EXOC3L1: variants seen among roughly 807,000 people sequenced by gnomAD.
EXOC3L1 encodes exocyst complex component 3 like 1, also known as exocyst complex component 3-like protein.
In EXOC3L1, 79 loss-of-function variants were observed where a neutral mutation model predicts 83.6. That is an observed-to-expected ratio of 0.95 (90% confidence interval 0.79 to 1.14). The LOEUF is 1.14. Ranked by LOEUF, EXOC3L1 falls within the 50% of genes most tolerant of loss-of-function variation. EXOC3L1 has a pLI of 0.00. For synonymous variants in EXOC3L1, 433 were observed against 451.2 expected (o/e 0.96, Z 0.51); for missense variants, 945 against 972.0 (o/e 0.97, Z 0.37).
At chr16:67,186,420 C>T in intron 8 of EXOC3L1, 73 bp from the exon 9 acceptor site, 4 of 1,399,952 alleles carry the variant, frequency 2.9e-6, no homozygotes, top group Non-Finnish European at 4.0e-6. Context: ...CCTGGTACTC[C>T]TGTCCCACCT....
intron 4 of EXOC3L1, 69 bp from the exon 5 acceptor site, chr16:67,187,906 G>A (rs2032775545): frequency 1.3e-6 from 2 of 1,499,080 alleles, no homozygotes; most frequent in East Asian, 2.3e-5. Context: ...TACAGCAGGG[G>A]ATACTGAGGC....
rs2032616030 is a variant in EXOC3L1, at chr16:67,184,418, G to C, written c.2217C>G (p.Ala739=). Residue 739 remains alanine (A), a synonymous_variant, in exon 14 of 14, where the codon GCC becomes GCG. Transcript: ENST00000314586. ...PASCLPSGSC[A]RALLLAE ...TTTATTCTGCGAGCAGCAGGGCTCG[G>C]GCGCAGGACCCCGAGGGCAGGCAGG... 6.5e-7 allele frequency: 1 copy of C among 1,533,088 alleles called. No homozygotes were observed. The highest frequency in any genetic ancestry group is 2.0e-5 in the Admixed American group (1 of 50,864). 95.0% of individuals were successfully genotyped at this position (1,533,088 alleles called of 1,614,324 possible). A position where few individuals can be genotyped will look rare whatever the true frequency, so the allele number is the denominator to read the frequency against.
rs773196233 is a variant in EXOC3L1, at chr16:67,186,637, A to G, written c.1305T>C (p.Arg435=). 6.2e-7 allele frequency: 1 copy of G among 1,614,156 alleles called. No individual in the cohort carries two copies. Among genetic ancestry groups the G allele is most frequent in the South Asian group, 1.1e-5 (1 of 91,088 alleles). ...IVLQILEENI[R]VASLVSESLQ... Reference sequence around the variant, plus strand: ...GTGACTCACTGACCAGGCTGGCCACACGAATGTTCTCTTCCAGGATCTGCA... The same window carrying G: ...GTGACTCACTGACCAGGCTGGCCACGCGAATGTTCTCTTCCAGGATCTGCA... The change falls in exon 8 of 14, where the codon CGT becomes CGC. Residue 435 remains arginine (R), a synonymous_variant. Transcript: ENST00000314586.
In EXOC3L1 at chr16:67,186,318, C is replaced by G; in HGVS notation, c.1415G>C (p.Arg472Pro). 3.2e-6 allele frequency: 5 copies of G among 1,567,294 alleles called. No individual in the cohort carries two copies. In the African/African-American group the frequency reaches 4.1e-5, roughly 13 times the overall value. ...SFSDALIRFS[R>P]DHFRGKSMAP... ...CATTGATTTCCCCCTGAAGTGGTCT[C>G]GGGAGAATCGGATCAGAGCATCACT... The change falls in exon 9 of 14, where the codon CGA becomes CCA. Residue 472 changes from arginine (R) to proline (P), a missense_variant. Arg to Pro is a moderately radical substitution (Grantham distance 103). Coordinates refer to ENST00000314586, the MANE Select transcript of EXOC3L1 (RefSeq NM_178516.4).
At position 67,189,118 on chromosome 16, in the gene EXOC3L1, C is replaced by T; in HGVS notation, c.109G>A (p.Ala37Thr). Residue 37 changes from alanine to threonine, a missense_variant, in exon 3 of 14, where the codon GCC becomes ACC. Transcript: ENST00000314586. ...TCCGGCCGGTAGAAGATGCCTGAGGCCCACTTGAGCGCTGCACCCCGGGCC... is the reference window on the plus strand; with the variant it reads ...TCCGGCCGGTAGAAGATGCCTGAGGTCCACTTGAGCGCTGCACCCCGGGCC... The part of the protein sequence containing the change: ...QLARGAALKW[A>T]SGIFYRPEQL... The T allele has an allele frequency of 6.2e-7, 1 of 1,607,868 alleles. No homozygotes were observed. Among genetic ancestry groups the T allele is most frequent in the Non-Finnish European group, 8.5e-7 (1 of 1,179,314 alleles).
At position 67,188,898 on chromosome 16, in the gene EXOC3L1, A is replaced by C. The variant is rs2032804834; in HGVS notation, c.250T>G (p.Trp84Gly). 6.2e-7 allele frequency: 1 copy of C among 1,612,810 alleles called. No individual in the cohort carries two copies. Among genetic ancestry groups the C allele is most frequent in the Non-Finnish European group, 8.5e-7 (1 of 1,179,924 alleles). Residue 84 changes from tryptophan (W) to glycine (G), a missense_variant, in exon 4 of 14, where the codon TGG becomes GGG. Transcript: ENST00000314586. ...ACCTCAATGGCCTGGGCCAGCTGCC[A>C]CACACCAGTCTGCACGCCTTCCAGG... ...SYLEGVQTGVWQLAQAIEVVQ... is the reference protein window; with the variant it reads ...SYLEGVQTGVGQLAQAIEVVQ...
Position 67,184,919 on chromosome 16 carries a change from G to T in EXOC3L1, c.1888C>A (p.Gln630Lys). The T allele has an allele frequency of 1.2e-6, 2 of 1,612,298 alleles. No individual in the cohort carries two copies. Among genetic ancestry groups the T allele is most frequent in the Non-Finnish European group, 8.5e-7 (1 of 1,179,752 alleles). The part of the protein sequence containing the change: ...RLRHDAAQLQ[Q>K]LFLSLGLEEN... ...GCTCTCACCAAACTGAGGAAAAGCT[G>T]CTGAAGCTGGGCAGCATCGTGCCGC... Residue 630 changes from glutamine (Q) to lysine (K), a missense_variant, in exon 12 of 14, where the codon CAG becomes AAG. Gln to Lys is a moderately conservative substitution (Grantham distance 53). Coordinates refer to ENST00000314586, the MANE Select transcript of EXOC3L1 (RefSeq NM_178516.4).
At position 67,187,541 on chromosome 16, in the gene EXOC3L1, G is replaced by C. The variant is rs34746889; in HGVS notation, c.724C>G (p.Arg242Gly). 0.015 allele frequency: 23,855 copies of C among 1,601,792 alleles called. 240 individuals are homozygous for C. Among genetic ancestry groups the C allele is most frequent in the Middle Eastern group, 0.042 (252 of 6,046 alleles). The stretch of plus-strand genomic sequence containing the variant: ...CTCAGACAGCGCTGACGCCAGTCCC[G>C]GGGGACCTGGCCCAGGGGGGTTGTT... The part of the protein sequence containing the change: ...GRTTPLGQVP[R>G]DWRQRCLRAL... The change falls in exon 5 of 14, where the codon CGG becomes GGG. Residue 242 changes from arginine (R) to glycine (G), a missense_variant. Arg to Gly is a moderately radical substitution (Grantham distance 125, BLOSUM62 -2). Coordinates refer to ENST00000314586, the MANE Select transcript of EXOC3L1 (RefSeq NM_178516.4).
chr16:67,189,249 CTTATTTAT>C lies in EXOC3L1; in HGVS notation c.47-77_47-70del, dbSNP rs535337809. 165 of 1,291,270 alleles carry C rather than the reference CTTATTTAT, an allele frequency of 1.3e-4. 1 individual carries two copies. Among genetic ancestry groups the C allele is most frequent in the African/African-American group, 7.7e-4 (51 of 66,502 alleles). The allele number at this position is 1,291,270 out of a possible 1,614,324, so 80.0% of individuals were successfully genotyped here. On this transcript the variant is annotated intron_variant, in intron 2 of 13. Transcript: ENST00000314586. ...GCCCAACGACCCCAGTCCCAGCTTTCTTATTTATTTATTTATTTATTTATTTGTTTGTT... is the reference window on the plus strand; with the variant it reads ...GCCCAACGACCCCAGTCCCAGCTTTCTTATTTATTTATTTATTTGTTTGTT...
At chr16:67,188,278 CATAA>C (rs766346365) in intron 4 of EXOC3L1, among the ~76,000 whole-genome samples, 15 of 152,046 alleles carry the variant, frequency 9.9e-5, no homozygotes, top group East Asian at 1.9e-4. Context: ...AACAAAAAAC[CATAA>C]ATAAATAAAT....
At position 67,185,221 on chromosome 16, in the gene EXOC3L1, G is replaced by T; in HGVS notation, c.1664C>A (p.Ser555Ter). 3.1e-6 allele frequency: 5 copies of T among 1,613,210 alleles called. No individual in the cohort carries two copies. The highest frequency in any genetic ancestry group is 4.2e-6 in the Non-Finnish European group (5 of 1,179,988). The change falls in exon 11 of 14, where the codon TCG becomes TAG. Residue 555 changes from serine (S) to a stop codon, truncating the protein, a stop_gained. Coordinates refer to ENST00000314586, the MANE Select transcript of EXOC3L1 (RefSeq NM_178516.4). LOFTEE classifies it high-confidence loss of function. ...CACACTTTGCAGGAGCTCAGGGCTC[G>T]ACAGCCATTGGCGCGAGGGCAGATC... ...FADLPSRQWL[S>*]SPELLQSVCE... is the part of the protein sequence containing the mutation.
In EXOC3L1 at chr16:67,184,974, G is replaced by C. The variant is rs369614815; in HGVS notation, c.1833C>G (p.Ala611=). 5 of 1,609,820 alleles carry C rather than the reference G, an allele frequency of 3.1e-6. No homozygotes were observed. The highest frequency in any genetic ancestry group is 3.4e-6 in the Non-Finnish European group (4 of 1,178,862). The change falls in exon 12 of 14, where the codon GCC becomes GCG. Residue 611 remains alanine, a synonymous_variant. Transcript: ENST00000314586. The part of the protein sequence containing the change: ...LMQGRLVCRG[A]DERTQAAERL... The stretch of plus-strand genomic sequence containing the variant: ...GCTCGGCCGCCTGGGTCCTCTCGTC[G>C]GCTCCGCGGCACACCAGGCGGCCTT...
At position 67,187,817 on chromosome 16, in the gene EXOC3L1, T is replaced by A; in HGVS notation, c.448A>T (p.Thr150Ser). The change falls in exon 5 of 14, where the codon ACA (threonine) becomes TCA (serine). Residue 150 changes from threonine (T) to serine (S), a missense_variant. Transcript: ENST00000314586. ...TGTTGGCCATCAATCAGAGTCTGTGTGTGGGACACTGCAGCCGGCACTAAT... is the reference window on the plus strand; with the variant it reads ...TGTTGGCCATCAATCAGAGTCTGTGAGTGGGACACTGCAGCCGGCACTAAT... ...LRAVPAAVSH[T>S]QTLIDGQQFL... 1 of 1,599,724 alleles carries A rather than the reference T, an allele frequency of 6.3e-7. No individual in the cohort carries two copies. Among genetic ancestry groups the A allele is most frequent in the Non-Finnish European group, 8.5e-7 (1 of 1,171,898 alleles).
rs1173984044 is a variant in EXOC3L1 at position 67,184,811 on chromosome 16, C to T, written c.1906-1G>A. On this transcript the variant is annotated splice_acceptor_variant, in intron 12 of 13. Coordinates refer to ENST00000314586, the MANE Select transcript of EXOC3L1 (RefSeq NM_178516.4). LOFTEE classifies it high-confidence loss of function. The stretch of plus-strand genomic sequence containing the variant: ...CGCAGTGCGCGTTCTCCTCCAGGCC[C>T]TGAGCACGTCGGGGTAGGGTCTCGC... The T allele has an allele frequency of 1.2e-6, 2 of 1,603,472 alleles. No individual in the cohort carries two copies. Among genetic ancestry groups the T allele is most frequent in the Admixed American group, 1.7e-5 (1 of 59,990 alleles).
At chr16:67,186,931 C>G (rs1567684509) in intron 6 of EXOC3L1, 47 bp from the exon 7 acceptor site, 1 of 1,612,844 alleles carries the variant, frequency 6.2e-7, no homozygotes, top group South Asian at 1.1e-5. Flanking sequence ...GGATCTGACC[C>G]TGCTGGAGAT....
At chr16:67,186,057 T>C (rs2032708707) in intron 9 of EXOC3L1, among the ~76,000 whole-genome samples, 180 bp downstream of exon 9, 1 of 152,190 alleles carries the variant, frequency 6.6e-6, no homozygotes, top group Non-Finnish European at 1.5e-5. Context: ...AAAGTGAGAT[T>C]CACAGAGATT....
Position 67,187,213 on chromosome 16 carries a change from A to C in EXOC3L1, c.1040+12T>G, listed in dbSNP as rs1345959040. 1.2e-6 allele frequency: 2 copies of C among 1,609,404 alleles called. No homozygotes were observed. The highest frequency in any genetic ancestry group is 4.5e-5 in the East Asian group (2 of 44,770). On this transcript the variant is annotated intron_variant, in intron 5 of 13. Transcript: ENST00000314586. ...CTGATCCCCCATGTCCCGCTGCCCC[A>C]AAGGCACTGACCCCAGGTACACATG...
Position 67,186,559 on chromosome 16 carries a change from C to T in EXOC3L1, c.1383G>A (p.Arg461=), listed in dbSNP as rs776251517. ...AATGGGTCAGTGCCTCAGCAAACCTCCTCAAGAATGTGCCCAGTTCTGACA... is the reference window on the plus strand; with the variant it reads ...AATGGGTCAGTGCCTCAGCAAACCTTCTCAAGAATGTGCCCAGTTCTGACA... ...MALSELGTFL[R]SFSDALIRFS... The change falls in exon 8 of 14, where the codon AGG becomes AGA. Residue 461 remains arginine (R), a splice_region_variant and synonymous_variant. Transcript: ENST00000314586. The T allele has an allele frequency of 1.9e-6, 3 of 1,613,710 alleles. No individual in the cohort carries two copies. The African/African-American group carries it at 4.0e-5, about 22-fold the overall frequency.
At position 67,190,011 on chromosome 16, in the gene EXOC3L1, C is replaced by A. The variant is rs530549990; in HGVS notation, c.-48G>T. On this transcript the variant is annotated 5_prime_UTR_variant, in exon 1 of 14. The change creates a new upstream start codon in the 5' untranslated region. Coordinates refer to ENST00000314586, the MANE Select transcript of EXOC3L1 (RefSeq NM_178516.4). The stretch of plus-strand genomic sequence containing the variant: ...GTCCAGTTCTCCCTCCAAAAATGAC[C>A]TTGGCCTTGAGAACAGCCCTCTCCC... The A allele has an allele frequency of 6.0e-5, 18 of 299,760 alleles. No individual in the cohort carries two copies. Among genetic ancestry groups the A allele is most frequent in the Non-Finnish European group, 1.0e-4 (16 of 158,150 alleles). 18.6% of individuals were successfully genotyped at this position (299,760 alleles called of 1,614,324 possible).
Sources: gnomAD v4.1 joint callset for allele counts (sites outside exome capture counted in the v4.1 genomes callset) on GRCh38, gnomAD v4.1.1 for gene constraint, MANE v1.5 for transcripts, NCBI Gene and HGNC (gene_info 2026-07-23, HGNC 2026-07-21) for gene names.